Variants in PHACTR2 observed in about 807,000 individuals in gnomAD.
PHACTR2 encodes the protein phosphatase and actin regulator 2.
In PHACTR2, 30 loss-of-function variants were observed where a neutral mutation model predicts 76.0. The ratio of observed to expected loss-of-function variants is 0.39; its 90% CI spans 0.30 to 0.54. PHACTR2 has a LOEUF of 0.54. PHACTR2 is among the 20% of genes least tolerant of loss of function. The pLI is 0.61. For synonymous variants in PHACTR2, 292 were observed against 292.5 expected (o/e 1.00, Z 0.02); for missense variants, 696 against 781.1 (o/e 0.89, Z 1.30).
At chr6:143,706,323 G>T (rs1778052185) in intron 1 of PHACTR2, among the ~76,000 whole-genome samples, 1 of 152,120 alleles carries the variant, frequency 6.6e-6, no homozygotes, top group Non-Finnish European at 1.5e-5. Context: ...TTGCTACTGG[G>T]GTGTTACTGC....
chr6:143,778,679 G>A (rs111589126), intron 9 of PHACTR2, among the ~76,000 whole-genome samples: 24 of 152,240 alleles, frequency 1.6e-4, no homozygotes, highest in African/African-American at 4.8e-4. Context: ...TTCATGATAG[G>A]TTCCTGGGAA....
rs951834955 is a variant in PHACTR2, at chr6:143,689,506, C to A, written c.46+11297C>A. Among the ~76,000 whole-genome samples, 6 of 152,144 alleles carry A rather than the reference C, an allele frequency of 3.9e-5. No homozygotes were observed. The highest frequency in any genetic ancestry group is 3.3e-4 in the Admixed American group (5 of 15,266). On this transcript the variant is annotated intron_variant, in intron 1 of 12. Transcript: ENST00000440869. This position sits in a 1 kb window ranked among gnomAD's most constrained non-coding sequence, Gnocchi z 4.4. Reference sequence around the variant, plus strand: ...TAAACTGATTCTTTAATTCTCCAGTCTCTAAATAGCATGCTCTTTGCTACC... The same window carrying A: ...TAAACTGATTCTTTAATTCTCCAGTATCTAAATAGCATGCTCTTTGCTACC...
chr6:143,615,205 A>G (rs1192284730), intron 1 of PHACTR2, among the ~76,000 whole-genome samples: 3 of 152,228 alleles, frequency 2.0e-5, no homozygotes, highest in Non-Finnish European at 4.4e-5. Flanking sequence ...ATAAGCCAGT[A>G]ATTTATAAAC....
At position 143,564,642 on chromosome 6, in the gene PHACTR2, C is replaced by G. The variant is rs187530300; in HGVS notation, c.217+27435C>G. 4.5e-3 allele frequency among the ~76,000 whole-genome samples: 685 copies of G among 152,190 alleles called. 4 individuals are homozygous for G. The highest frequency in any genetic ancestry group is 4.8e-3 in the Non-Finnish European group (328 of 68,016). On this transcript the variant is annotated intron_variant, in intron 1 of 11. Transcript: ENST00000367584. ...TGTCATGGCTGAGCTGCTGACGAGG[C>G]CTCGGCTGTGCTTTGCATCATGTAA...
At position 143,722,052 on chromosome 6, in the gene PHACTR2, A is replaced by C. The variant is rs1255761542; in HGVS notation, c.214+9869A>C. 6.6e-6 allele frequency among the ~76,000 whole-genome samples: 1 copy of C among 152,226 alleles called. No homozygotes were observed. The highest frequency in any genetic ancestry group is 1.5e-5 in the Non-Finnish European group (1 of 68,028). On this transcript the variant is annotated intron_variant, in intron 2 of 12. Transcript: ENST00000440869. The surrounding 1 kb of genome is among the most constrained non-coding windows in gnomAD (Gnocchi z 4.1). ...CTAGAATAGAATTTCATCTTACTTA[A>C]AGAGGAATTTACCAGTAAGAATTAA...
At chr6:143,736,400 A>G (rs1433268313) in intron 2 of PHACTR2, among the ~76,000 whole-genome samples, 1 of 152,086 alleles carries the variant, frequency 6.6e-6, no homozygotes, top group Non-Finnish European at 1.5e-5. Flanking sequence ...CTTAATCCCT[A>G]TACTATGCTG....
At position 143,813,048 on chromosome 6, in the gene PHACTR2, T is replaced by TAACATGTA. The variant is rs1377967477; in HGVS notation, c.1922+5916_1922+5923dup. 3.3e-5 allele frequency among the ~76,000 whole-genome samples: 5 copies of TAACATGTA among 152,354 alleles called. No homozygotes were observed. In the East Asian group the frequency reaches 7.7e-4, roughly 24 times the overall value. On this transcript the variant is annotated intron_variant, in intron 12 of 12. Coordinates refer to ENST00000440869, the MANE Select transcript of PHACTR2 (RefSeq NM_001100164.2). ...TCTGTTTTCCCAACAGAGAAAGTGT[T>TAACATGTA]AACATGTATCAGATTTGTTATCAAG...
At position 143,597,241 on chromosome 6, in the gene PHACTR2, C is replaced by T. The variant is rs1313419111; in HGVS notation, c.217+60034C>T. Among the ~76,000 whole-genome samples, 1 of 152,156 alleles carries T rather than the reference C, an allele frequency of 6.6e-6. No homozygotes were observed. The highest frequency in any genetic ancestry group is 1.5e-5 in the Non-Finnish European group (1 of 68,030). On this transcript the variant is annotated intron_variant, in intron 1 of 11. Transcript: ENST00000367584. The surrounding 1 kb of genome is among the most constrained non-coding windows in gnomAD (Gnocchi z 5.7). ...TCCAAGAAATGAAAGACATACCATTCGTGAGCTGCTTGCTGTCCCTCCCTT... is the reference window on the plus strand; with the variant it reads ...TCCAAGAAATGAAAGACATACCATTTGTGAGCTGCTTGCTGTCCCTCCCTT...
intron 12 of PHACTR2, among the ~76,000 whole-genome samples, chr6:143,813,617 CAAAAA>C (rs373797909): frequency 4.8e-5 from 3 of 63,126 alleles, no homozygotes; most frequent in African/African-American, 2.0e-4. Context: ...GACTCCGCCT[CAAAAA>C]AAAAAAAAAA....
intron 1 of PHACTR2, among the ~76,000 whole-genome samples, chr6:143,594,567 A>G (rs1440656003): frequency 6.6e-6 from 1 of 152,238 alleles, no homozygotes; most frequent in African/African-American, 2.4e-5. Context: ...ATCCACGATG[A>G]TTGGTGGAGA....
At chr6:143,673,005 A>C (rs755979414), upstream of PHACTR2, among the ~76,000 whole-genome samples, 1 of 152,156 alleles carries the variant, frequency 6.6e-6, no homozygotes, top group Non-Finnish European at 1.5e-5. Flanking sequence ...GATTACAGGC[A>C]TGAGTCACCA....
Position 143,633,254 on chromosome 6 carries a change from C to T in PHACTR2, c.13+24932C>T, listed in dbSNP as rs1310220404. 3.3e-5 allele frequency among the ~76,000 whole-genome samples: 5 copies of T among 152,190 alleles called. No homozygotes were observed. The highest frequency in any genetic ancestry group is 6.5e-5 in the Admixed American group (1 of 15,280). On this transcript the variant is annotated intron_variant, in intron 1 of 11. Coordinates refer to the PHACTR2 transcript ENST00000305766. This position sits in a 1 kb window ranked among gnomAD's most constrained non-coding sequence, Gnocchi z 4.1. ...AAGAATGAGAGTTCCTGTTGCTCCA[C>T]GTCTCTACCAGGATTTGGTGTTGTC... is the stretch of plus-strand genomic sequence containing the variant.
intron 2 of PHACTR2, among the ~76,000 whole-genome samples, chr6:143,728,317 T>C (rs551114916): frequency 3.1e-4 from 47 of 149,270 alleles, no homozygotes; most frequent in African/African-American, 1.0e-3. Flanking sequence ...GCTTAGGTGA[T>C]CCTCCCACCT....
In PHACTR2 at chr6:143,599,923, C is replaced by T. The variant is rs1264088275; in HGVS notation, c.217+62716C>T. On this transcript the variant is annotated intron_variant, in intron 1 of 11. Coordinates refer to the PHACTR2 transcript ENST00000367584. This position sits in a 1 kb window ranked among gnomAD's most constrained non-coding sequence, Gnocchi z 4.6. ...GGTGGAAACTTTGGCAAACTCAGAG[C>T]AGATGCCTTGTCTAAAGCTTTCAAG... 6.6e-6 allele frequency among the ~76,000 whole-genome samples: 1 copy of T among 152,180 alleles called. No individual in the cohort carries two copies. Among genetic ancestry groups the T allele is most frequent in the East Asian group, 1.9e-4 (1 of 5,186 alleles).
At chr6:143,645,333 A>C (rs1013349935) in intron 1 of PHACTR2, among the ~76,000 whole-genome samples, 2 of 151,938 alleles carry the variant, frequency 1.3e-5, no homozygotes, top group Non-Finnish European at 2.9e-5. Flanking sequence ...ATGGAATACT[A>C]CTCAGCCATG....
In PHACTR2 at chr6:143,656,562, TA is replaced by T. The variant is rs1776852719; in HGVS notation, c.13+48242del. Among the ~76,000 whole-genome samples the T allele has an allele frequency of 6.6e-6, 1 of 152,168 alleles. No individual in the cohort carries two copies. The highest frequency in any genetic ancestry group is 2.4e-5 in the African/African-American group (1 of 41,428). On this transcript the variant is annotated intron_variant, in intron 1 of 11. Transcript: ENST00000305766. This position sits in a 1 kb window ranked among gnomAD's most constrained non-coding sequence, Gnocchi z 5.3. Reference sequence around the variant, plus strand: ...TGGGCAAGTTTGGTCTATGATTTTATAATCTGATCTAGTATTCTCTGAGACA... The same window carrying T: ...TGGGCAAGTTTGGTCTATGATTTTATATCTGATCTAGTATTCTCTGAGACA...
Position 143,581,318 on chromosome 6 carries a change from C to A in PHACTR2, c.217+44111C>A, listed in dbSNP as rs1775569319. Among the ~76,000 whole-genome samples, 1 of 152,148 alleles carries A rather than the reference C, an allele frequency of 6.6e-6. No homozygotes were observed. The stretch of plus-strand genomic sequence containing the variant: ...GACTGTATCAAGTTATCCTCCTGAC[C>A]GGGCGCAGTGGTTCATGCCTGTAAT... On this transcript the variant is annotated intron_variant, in intron 1 of 11. Coordinates refer to the PHACTR2 transcript ENST00000367584. This position sits in a 1 kb window ranked among gnomAD's most constrained non-coding sequence, Gnocchi z 4.5.
Position 143,626,429 on chromosome 6 carries a change from C to T in PHACTR2, c.13+18107C>T, listed in dbSNP as rs527605426. ...GTGGGCGCCTTTAGTCCCAGGTACT[C>T]CGGAGGCTGAGGCAGGAGAATGGCG... is the stretch of plus-strand genomic sequence containing the variant. On this transcript the variant is annotated intron_variant, in intron 1 of 11. Coordinates refer to the PHACTR2 transcript ENST00000305766. Among the ~76,000 whole-genome samples the T allele has an allele frequency of 9.0e-3, 1,367 of 151,878 alleles. 24 individuals are homozygous for T. The highest frequency in any genetic ancestry group is 0.031 in the African/African-American group (1,282 of 41,356).
chr6:143,574,690 AT>A (rs1775485794), intron 1 of PHACTR2, among the ~76,000 whole-genome samples: 1 of 73,558 alleles, frequency 1.4e-5, no homozygotes, highest in Non-Finnish European at 3.2e-5. Context: ...TTTTGATGGC[AT>A]TAAAAAAAAA....
Sources: allele counts gnomAD v4.1 joint callset (sites outside exome capture counted in the v4.1 genomes callset), GRCh38; gene constraint gnomAD v4.1.1; non-coding constraint Gnocchi (gnomAD v3.1); transcripts MANE v1.5; gene names NCBI Gene and HGNC (gene_info 2026-07-23, HGNC 2026-07-21).